Variants in LRP1B observed in about 807,000 individuals in gnomAD.
LRP1B encodes the protein low-density lipoprotein receptor-related protein 1B.
Under a neutral mutation model 556.6 loss-of-function variants are expected in LRP1B, and 217 were observed. The ratio of observed to expected loss-of-function variants is 0.39; its 90% confidence interval spans 0.35 to 0.44. The LOEUF (loss-of-function observed/expected upper bound fraction) is 0.44, where lower values mean the gene tolerates loss of function less well. LRP1B is among the 20% of genes least tolerant of loss of function. The pLI is 1.00. For missense variants in LRP1B, 5,053 were observed against 5,620.8 expected (o/e 0.90, Z 3.23); for synonymous variants, 2,047 against 1,865.8 (o/e 1.10, Z -2.50).
chr2:140,786,244 C>G lies in LRP1B; in HGVS notation c.5360-10006G>C, dbSNP rs149129207. On this transcript the variant is annotated intron_variant, in intron 32 of 90. Transcript: ENST00000389484. ...TGAATTGCAGTCAACTTTCAATTTT[C>G]CAGGGATAGATTAACCATGTTATGT... Among the ~76,000 whole-genome samples, 568 of 152,200 alleles carry G rather than the reference C, an allele frequency of 3.7e-3. 2 individuals are homozygous for G. Among genetic ancestry groups the G allele is most frequent in the Middle Eastern group, 0.02 (6 of 294 alleles).
chr2:140,924,478 T>C (rs1475647620), intron 20 of LRP1B, among the ~76,000 whole-genome samples: 1 of 152,058 alleles, frequency 6.6e-6, no homozygotes, highest in Non-Finnish European at 1.5e-5. Context: ...TATAAAGATG[T>C]TCAAGATGGA....
chr2:140,239,209 C>G (rs1271398629), intron 88 of LRP1B, among the ~76,000 whole-genome samples: 5 of 150,786 alleles, frequency 3.3e-5, no homozygotes, highest in Admixed American at 2.0e-4. Context: ...AATATGATCT[C>G]TTGTCAGTTT....
intron 5 of LRP1B, among the ~76,000 whole-genome samples, chr2:141,243,309 CCTGTGTGT>C (rs1683950387): frequency 6.6e-6 from 1 of 151,694 alleles, no homozygotes; most frequent in Non-Finnish European, 1.5e-5. Context: ...AGAGAGAGAT[CCTGTGTGT>C]ACAAAAAATT....
At chr2:140,526,883 T>G (rs1037819043) in intron 47 of LRP1B, among the ~76,000 whole-genome samples, 1 of 151,606 alleles carries the variant, frequency 6.6e-6, no homozygotes, top group Non-Finnish European at 1.5e-5. Flanking sequence ...AACAAAGAGA[T>G]GGGCAGGGGG....
intron 60 of LRP1B, among the ~76,000 whole-genome samples, chr2:140,462,203 C>T (rs1384468671): frequency 6.6e-6 from 1 of 152,092 alleles, no homozygotes; most frequent in Non-Finnish European, 1.5e-5. Context: ...ATTCTTGCTG[C>T]CATTATCCCA....
intron 2 of LRP1B, among the ~76,000 whole-genome samples, chr2:141,735,386 A>G (rs1382599536): frequency 6.6e-6 from 1 of 152,012 alleles, no homozygotes; most frequent in Non-Finnish European, 1.5e-5. Context: ...GCCCACAAGG[A>G]AAGCCCGGGT....
rs1424011312 is a variant in LRP1B, at chr2:140,553,917, T to C, written c.7195-11946A>G. Among the ~76,000 whole-genome samples the C allele has an allele frequency of 9.2e-5, 14 of 152,000 alleles. 1 individual carries two copies. In the East Asian group the frequency reaches 2.5e-3, roughly 27 times the overall value. On this transcript the variant is annotated intron_variant, in intron 43 of 90. Coordinates refer to ENST00000389484, the MANE Select transcript of LRP1B (RefSeq NM_018557.3). ...AATCCCTTTGATTTTATGTAGACCC[T>C]TTCTAATCTATTTATCTAACTCAAC... is the stretch of plus-strand genomic sequence containing the variant.
At chr2:141,156,945 C>CTAA (rs1355211127) in intron 7 of LRP1B, among the ~76,000 whole-genome samples, 1 of 151,998 alleles carries the variant, frequency 6.6e-6, no homozygotes, top group Admixed American at 6.6e-5. Flanking sequence ...GAATACTCAG[C>CTAA]AGAACACCAT....
At chr2:141,942,303 G>A (rs1303290117) in intron 1 of LRP1B, among the ~76,000 whole-genome samples, 1 of 152,042 alleles carries the variant, frequency 6.6e-6, no homozygotes, top group Non-Finnish European at 1.5e-5. Context: ...TAGTTATATG[G>A]GTAATTCTTT....
intron 1 of LRP1B, among the ~76,000 whole-genome samples, chr2:142,063,947 C>T (rs986763983): frequency 3.4e-4 from 51 of 151,588 alleles, no homozygotes; most frequent in African/African-American, 1.2e-3. Flanking sequence ...CCTTAGGGTA[C>T]GAATAAGATT....
chr2:140,319,907 A>G (rs1192970713), intron 82 of LRP1B, among the ~76,000 whole-genome samples: 2 of 152,114 alleles, frequency 1.3e-5, no homozygotes, highest in East Asian at 3.9e-4. Context: ...GCCCGTCCAA[A>G]ATACCAATCA....
chr2:140,642,347 T>C (rs970095806), intron 41 of LRP1B, among the ~76,000 whole-genome samples: 1 of 152,176 alleles, frequency 6.6e-6, no homozygotes, highest in Non-Finnish European at 1.5e-5. Flanking sequence ...GTGCGTCTCC[T>C]GAGATTTTGG....
At chr2:141,105,194 T>A (rs1472670931) in intron 7 of LRP1B, among the ~76,000 whole-genome samples, 2 of 152,140 alleles carry the variant, frequency 1.3e-5, no homozygotes, top group Non-Finnish European at 2.9e-5. Flanking sequence ...CATGTCTCTA[T>A]GGCCCTCTTC....
chr2:141,462,912 C>A (rs968222226), intron 3 of LRP1B, among the ~76,000 whole-genome samples: 14 of 151,954 alleles, frequency 9.2e-5, no homozygotes, highest in Admixed American at 9.2e-4. Flanking sequence ...TAAACAATAG[C>A]AATTCACAAC....
chr2:140,658,523 C>T (rs1684968392), intron 41 of LRP1B, among the ~76,000 whole-genome samples: 1 of 151,756 alleles, frequency 6.6e-6, no homozygotes, highest in African/African-American at 2.4e-5. Flanking sequence ...CCTGAATTTC[C>T]AAAAATAAAA....
intron 6 of LRP1B, among the ~76,000 whole-genome samples, chr2:141,226,251 G>A (rs1006245571): frequency 1.3e-5 from 2 of 152,082 alleles, no homozygotes; most frequent in African/African-American, 2.4e-5. Context: ...GGGCTTAGAT[G>A]TCCCACTTCT....
At chr2:140,935,465 T>C (rs971409653) in intron 20 of LRP1B, among the ~76,000 whole-genome samples, 1 of 151,878 alleles carries the variant, frequency 6.6e-6, no homozygotes, top group Admixed American at 6.6e-5. Context: ...AATTTGAAGA[T>C]AGGACAATGG....
intron 5 of LRP1B, among the ~76,000 whole-genome samples, chr2:141,233,802 G>A (rs1299181013): frequency 6.6e-6 from 1 of 151,970 alleles, no homozygotes; most frequent in Non-Finnish European, 1.5e-5. Flanking sequence ...CCTTCTAAGT[G>A]ATTGAAGTAA....
intron 1 of LRP1B, among the ~76,000 whole-genome samples, chr2:141,873,310 A>T (rs1401173887): frequency 6.6e-6 from 1 of 151,946 alleles, no homozygotes; most frequent in East Asian, 1.9e-4. Context: ...ATACAAAAAA[A>T]TTAGTGGGGT....
Sources: gnomAD v4.1 joint callset for allele counts (sites outside exome capture counted in the v4.1 genomes callset) on GRCh38, gnomAD v4.1.1 for gene constraint, MANE v1.5 for transcripts, NCBI Gene and HGNC (gene_info 2026-07-23, HGNC 2026-07-21) for gene names.